DST: variants seen among roughly 807,000 people sequenced by gnomAD.
The protein encoded by DST is dystonin.
DST carries 253 observed loss-of-function variants against 875.2 expected under a neutral mutation model. The observed-to-expected ratio is 0.29, with a 90% CI of 0.26 to 0.32. The LOEUF is 0.32. DST is among the 10% of genes least tolerant of loss of function. DST has a pLI of 1.00. For missense variants in DST, 8,287 were observed against 9,111.6 expected (o/e 0.91, Z 3.68); for synonymous variants, 3,124 against 3,197.1 (o/e 0.98, Z 0.77).
intron 49 of DST, among the ~76,000 whole-genome samples, chr6:56,588,170 C>T (rs79291158): frequency 0.013 from 1,978 of 152,286 alleles, 22 homozygotes; most frequent in South Asian, 0.023. Flanking sequence ...TCTCCCTTGA[C>T]AAAAAGGCCA....
intron 64 of DST, among the ~76,000 whole-genome samples, chr6:56,530,520 C>A (rs1470889622): frequency 6.6e-6 from 1 of 152,150 alleles, no homozygotes; most frequent in Admixed American, 6.5e-5. Context: ...ATATTAATTT[C>A]AATTGGAGCA....
chr6:56,594,501 G>A (rs1336445768), intron 47 of DST, among the ~76,000 whole-genome samples: 1 of 152,060 alleles, frequency 6.6e-6, no homozygotes, highest in Non-Finnish European at 1.5e-5. Flanking sequence ...TAAAATAAGT[G>A]TCTATAATCT....
rs763787804 is a variant in DST, at chr6:56,506,799, G to A, written c.19240-10C>T. 1 of 1,601,488 alleles carries A rather than the reference G, an allele frequency of 6.2e-7. No homozygotes were observed. Among genetic ancestry groups the A allele is most frequent in the Admixed American group, 1.7e-5 (1 of 57,680 alleles). ...TTTCTTCCCTTATGGTCTAGAATAA[G>A]AAAATGACAGCCTTAGAATTTTAAG... On this transcript the variant is annotated splice_polypyrimidine_tract_variant and intron_variant, in intron 75 of 103. Coordinates refer to ENST00000680361, the MANE Select transcript of DST (RefSeq NM_001374736.1).
At chr6:56,508,858 G>A in intron 74 of DST, 103 bp from the exon 75 acceptor site, 2 of 967,074 alleles carry the variant, frequency 2.1e-6, no homozygotes, top group Non-Finnish European at 3.1e-6. Context: ...AATTTGCTAA[G>A]TATCTAAAAC....
At chr6:56,916,823 CAG>C (rs1554257548) in intron 2 of DST, among the ~76,000 whole-genome samples, 39 of 140,766 alleles carry the variant, frequency 2.8e-4, no homozygotes, top group African/African-American at 7.3e-4. Context: ...CACACACACA[CAG>C]AGAGACAGAG....
intron 3 of DST, among the ~76,000 whole-genome samples, chr6:56,890,088 G>A (rs575746262): frequency 4.0e-5 from 6 of 149,144 alleles, no homozygotes; most frequent in East Asian, 1.9e-4. Flanking sequence ...GTAATCATGG[G>A]GAGTTCTCCA....
chr6:56,777,901 C>T (rs532394553), intron 4 of DST, among the ~76,000 whole-genome samples: 1 of 151,956 alleles, frequency 6.6e-6, no homozygotes, highest in East Asian at 1.9e-4. Context: ...TGGGGTTTCA[C>T]CATGTTGCCC....
intron 10 of DST, among the ~76,000 whole-genome samples, chr6:56,660,625 AAGAAAAAAAAAAAAAG>A (rs920101138): frequency 8.6e-5 from 13 of 151,420 alleles, no homozygotes; most frequent in Admixed American, 2.0e-4. Context: ...AAAAAAAAAA[AAGAAAAAAAAAAAAAG>A]GCCTGCGTAA....
chr6:56,719,465 A>T (rs1337840955), intron 5 of DST, among the ~76,000 whole-genome samples: 1 of 152,230 alleles, frequency 6.6e-6, no homozygotes, highest in Non-Finnish European at 1.5e-5. Flanking sequence ...GTTAGGAAAC[A>T]GATTAATCTG....
chr6:56,620,110 C>T (rs1171695436), intron 36 of DST: 1 of 1,613,512 alleles, frequency 6.2e-7, no homozygotes, highest in Non-Finnish European at 8.5e-7. Flanking sequence ...TTTCTTTCAA[C>T]TGTTTCTCTG....
intron 2 of DST, among the ~76,000 whole-genome samples, chr6:56,917,508 G>A (rs1224467986): frequency 6.6e-6 from 1 of 152,172 alleles, no homozygotes; most frequent in Non-Finnish European, 1.5e-5. Context: ...AAGTCACCTT[G>A]TATTGACTCC....
At chr6:56,616,901 T>A (rs764432871) in intron 36 of DST, 1 of 1,612,822 alleles carries the variant, frequency 6.2e-7, no homozygotes, top group Non-Finnish European at 8.5e-7. Flanking sequence ...TTCAACAGAA[T>A]ATGTCTGACC....
chr6:56,775,052 A>T (rs2099675883), intron 4 of DST, among the ~76,000 whole-genome samples: 1 of 152,106 alleles, frequency 6.6e-6, no homozygotes, highest in Non-Finnish European at 1.5e-5. Flanking sequence ...GAGTCTACAG[A>T]TTCTTGCAAA....
At chr6:56,548,335 A>G (rs919156496) in intron 61 of DST, among the ~76,000 whole-genome samples, 1 of 152,250 alleles carries the variant, frequency 6.6e-6, no homozygotes, top group Non-Finnish European at 1.5e-5. Flanking sequence ...GGGAAGGTAC[A>G]GATTTAGCTA....
Position 56,620,687 on chromosome 6 carries a change from T to G in DST, c.4929+3843A>C, listed in dbSNP as rs1281408978. 2.5e-6 allele frequency: 4 copies of G among 1,614,002 alleles called. No individual in the cohort carries two copies. The South Asian group carries it at 3.3e-5, about 13-fold the overall frequency. ...CTGAAGCAGATCTGAATATGCCCCA[T>G]GTTCAGAAGTCTCCTTACACCTTTT... On this transcript the variant is annotated intron_variant, in intron 36 of 103. Coordinates refer to ENST00000680361, the MANE Select transcript of DST (RefSeq NM_001374736.1).
In DST at chr6:56,834,551, C is replaced by T. The variant is rs192898882; in HGVS notation, c.625+16846G>A. Among the ~76,000 whole-genome samples, 115 of 151,994 alleles carry T rather than the reference C, an allele frequency of 7.6e-4. 1 individual carries two copies. Among genetic ancestry groups the T allele is most frequent in the African/African-American group, 2.6e-3 (109 of 41,446 alleles). On this transcript the variant is annotated intron_variant, in intron 4 of 103. Coordinates refer to ENST00000680361, the MANE Select transcript of DST (RefSeq NM_001374736.1). ...GGCAGAGGTTGCAGTGAGCCAAGAT[C>T]GTGCCTCTGCACTCCAGCCTGAGTG...
At chr6:56,529,326 CTTT>C (rs977311095) in intron 66 of DST, 119 bp downstream of exon 66, 13 of 852,466 alleles carry the variant, frequency 1.5e-5, no homozygotes, top group Non-Finnish European at 2.0e-5. Flanking sequence ...TATAAACAGT[CTTT>C]TTTTAAGTAC....
At chr6:56,830,290 G>A (rs1410675052) in intron 4 of DST, among the ~76,000 whole-genome samples, 1 of 152,102 alleles carries the variant, frequency 6.6e-6, no homozygotes, top group Admixed American at 6.6e-5. Flanking sequence ...TATATTAAGT[G>A]CATCTGCAGG....
At position 56,464,696 on chromosome 6, in the gene DST, T is replaced by A; in HGVS notation, c.22748A>T (p.Gln7583Leu). Residue 7583 changes from glutamine to leucine, a missense_variant, in exon 100 of 104, where the codon CAG becomes CTG. Physicochemically the swap from Gln to Leu is moderately radical, Grantham distance 113. Transcript: ENST00000680361. ...SESNSSITTT[Q>L]PTIAKGRTNM... ...GAGAGGTTGCCAACCTATAGTAGGCTGAGTAGTAGTAATTGAAGAGTTTGA... is the reference window on the plus strand; with the variant it reads ...GAGAGGTTGCCAACCTATAGTAGGCAGAGTAGTAGTAATTGAAGAGTTTGA... 1 of 1,598,042 alleles carries A rather than the reference T, an allele frequency of 6.3e-7. No homozygotes were observed. Among genetic ancestry groups the A allele is most frequent in the Middle Eastern group, 1.7e-4 (1 of 6,046 alleles).
Sources: allele counts gnomAD v4.1 joint callset (sites outside exome capture counted in the v4.1 genomes callset), GRCh38; gene constraint gnomAD v4.1.1; transcripts MANE v1.5; gene names NCBI Gene and HGNC (gene_info 2026-07-23, HGNC 2026-07-21).